SHTN1: variants seen among roughly 807,000 people sequenced by gnomAD.
SHTN1 encodes the protein shootin 1.
In SHTN1, 42 loss-of-function variants were observed where a neutral mutation model predicts 83.1. The observed-to-expected ratio is 0.51, with a 90% CI of 0.39 to 0.65. The LOEUF (loss-of-function observed/expected upper bound fraction) is 0.65, where lower values mean the gene tolerates loss of function less well. SHTN1 is among the 30% of genes least tolerant of loss of function. SHTN1 has a pLI of 0.00. For missense variants in SHTN1, 622 were observed against 737.8 expected (o/e 0.84, Z 1.82); for synonymous variants, 224 against 247.7 (o/e 0.90, Z 0.90).
At position 116,886,191 on chromosome 10, in the gene SHTN1, T is replaced by C. The variant is rs1395210579; in HGVS notation, c.*153A>G. On this transcript the variant is annotated 3_prime_UTR_variant, in exon 17 of 17. Transcript: ENST00000355371. ...TTGCTAAACAGCTTACTTATGTTTA[T>C]AGTTGCTACTTACAAAAGTGACACC... 22 of 1,067,182 alleles carry C rather than the reference T, an allele frequency of 2.1e-5. No individual in the cohort carries two copies. Among genetic ancestry groups the C allele is most frequent in the Non-Finnish European group, 2.8e-5 (21 of 755,368 alleles). 66.1% of individuals were successfully genotyped at this position (1,067,182 alleles called of 1,614,324 possible).
upstream of SHTN1, among the ~76,000 whole-genome samples, chr10:117,008,053 G>T (rs10886021): frequency 1.3e-5 from 2 of 151,692 alleles, no homozygotes; most frequent in Non-Finnish European, 2.9e-5. Context: ...GCATCACGTT[G>T]GAGTTACTAT....
chr10:117,040,329 G>A (rs1437874513), intron 2 of SHTN1, among the ~76,000 whole-genome samples: 2 of 152,100 alleles, frequency 1.3e-5, no homozygotes, highest in Non-Finnish European at 2.9e-5. Flanking sequence ...AGAAAAATAA[G>A]TAAGTGAAAA....
chr10:117,009,721 T>G (rs549069730), upstream of SHTN1, among the ~76,000 whole-genome samples: 12 of 151,656 alleles, frequency 7.9e-5, no homozygotes, highest in Admixed American at 2.6e-4. Context: ...TGGCTAACAC[T>G]GTGAAACCCC....
chr10:117,075,184 T>C (rs779685511), intron 1 of SHTN1, among the ~76,000 whole-genome samples: 1 of 152,214 alleles, frequency 6.6e-6, no homozygotes, highest in African/African-American at 2.4e-5. Flanking sequence ...TTTAGGAATC[T>C]GCTTTGCTTT....
chr10:117,012,873 A>C (rs868767308), intron 2 of SHTN1, among the ~76,000 whole-genome samples: 1 of 152,160 alleles, frequency 6.6e-6, no homozygotes, highest in South Asian at 2.1e-4. Context: ...CACACATTAA[A>C]TAAATCACAT....
intron 1 of SHTN1, among the ~76,000 whole-genome samples, chr10:117,120,112 T>C (rs961951509): frequency 2.0e-5 from 3 of 152,154 alleles, no homozygotes; most frequent in Non-Finnish European, 4.4e-5. Context: ...AGACCTAGTA[T>C]TTGATAGCAC....
chr10:116,981,236 G>A (rs181658999), intron 1 of SHTN1, among the ~76,000 whole-genome samples: 4 of 152,012 alleles, frequency 2.6e-5, no homozygotes, highest in African/African-American at 7.3e-5. Context: ...GGAGAATCGC[G>A]TGAACCCGGG....
chr10:117,020,525 T>C (rs575952336), intron 2 of SHTN1, among the ~76,000 whole-genome samples: 1 of 148,252 alleles, frequency 6.7e-6, no homozygotes, highest in African/African-American at 2.5e-5. Flanking sequence ...CCCACACTTA[T>C]AAAGTCATCT....
At chr10:116,944,452 T>A (rs1849499806) in intron 8 of SHTN1, among the ~76,000 whole-genome samples, 1 of 152,200 alleles carries the variant, frequency 6.6e-6, no homozygotes, top group Non-Finnish European at 1.5e-5. Flanking sequence ...TGGCCAAAAT[T>A]TGAGCCCAGA....
chr10:117,123,722 C>T (rs150346150), intron 1 of SHTN1, among the ~76,000 whole-genome samples: 23 of 149,664 alleles, frequency 1.5e-4, no homozygotes, highest in African/African-American at 5.2e-4. Context: ...TTGGTCAACA[C>T]GGTGAAACCC....
intron 2 of SHTN1, among the ~76,000 whole-genome samples, chr10:116,969,537 A>C (rs1411778345): frequency 6.6e-6 from 1 of 152,234 alleles, no homozygotes; most frequent in Non-Finnish European, 1.5e-5. Flanking sequence ...TTCGGAATAG[A>C]GGAAGGTACC....
intron 8 of SHTN1, among the ~76,000 whole-genome samples, chr10:116,942,394 G>A (rs750836066): frequency 6.6e-6 from 1 of 151,890 alleles, no homozygotes; most frequent in Non-Finnish European, 1.5e-5. Flanking sequence ...TGTATTTTTA[G>A]TAGAGATGGG....
At chr10:116,949,235 G>A (rs1256901952) in intron 6 of SHTN1, among the ~76,000 whole-genome samples, 1 of 152,024 alleles carries the variant, frequency 6.6e-6, no homozygotes, top group African/African-American at 2.4e-5. Flanking sequence ...AGTTGGCACT[G>A]GCACCTAAAC....
rs1045346159 is a variant in SHTN1 at position 116,901,976 on chromosome 10, C to T, written c.1481-19G>A. ...GTTGGACCTTAAAACCAAACACATACCTCAAGTTTAATAATTCTGTATGAT... is the reference window on the plus strand; with the variant it reads ...GTTGGACCTTAAAACCAAACACATATCTCAAGTTTAATAATTCTGTATGAT... On this transcript the variant is annotated intron_variant, in intron 15 of 16. Coordinates refer to ENST00000355371, the MANE Select transcript of SHTN1 (RefSeq NM_001127211.3). 1.9e-6 allele frequency: 3 copies of T among 1,561,876 alleles called. No homozygotes were observed. The African/African-American group carries it at 4.2e-5, about 22-fold the overall frequency.
rs539820924 is a variant in SHTN1, at chr10:117,092,783, G to GA, written c.-189+33523dup. 7.4e-4 allele frequency among the ~76,000 whole-genome samples: 113 copies of GA among 152,268 alleles called. 2 individuals carry two copies. The South Asian group carries it at 0.022, about 30-fold the overall frequency. ...ACTGTCTTTAGAGAACCGAATTTTA[G>GA]AAAAAGTGAGGGGGAGATAAGGGAG... is the stretch of plus-strand genomic sequence containing the variant. On this transcript the variant is annotated intron_variant, in intron 1 of 17. Coordinates refer to the SHTN1 transcript ENST00000392901.
At chr10:117,044,418 GAAAA>G in intron 2 of SHTN1, among the ~76,000 whole-genome samples, 1 of 151,574 alleles carries the variant, frequency 6.6e-6, no homozygotes, top group Middle Eastern at 3.4e-3. Context: ...ATAACTATTG[GAAAA>G]AAAAGGATTT....
chr10:116,921,967 C>T (rs1848584174), intron 11 of SHTN1, among the ~76,000 whole-genome samples: 2 of 152,108 alleles, frequency 1.3e-5, no homozygotes, highest in South Asian at 4.1e-4. Flanking sequence ...AGACTAAATA[C>T]TTATGGATAA....
At chr10:116,921,723 T>C (rs918973783) in intron 11 of SHTN1, among the ~76,000 whole-genome samples, 6 of 152,160 alleles carry the variant, frequency 3.9e-5, no homozygotes, top group Non-Finnish European at 7.4e-5. Context: ...AAACTGATTA[T>C]TGGAGAGAGT....
At chr10:117,120,170 GAA>G (rs980455520) in intron 1 of SHTN1, among the ~76,000 whole-genome samples, 2 of 151,294 alleles carry the variant, frequency 1.3e-5, no homozygotes, top group Non-Finnish European at 2.9e-5. Flanking sequence ...AAAAATAACT[GAA>G]AAGAGTATAA....
Sources: allele counts gnomAD v4.1 joint callset (sites outside exome capture counted in the v4.1 genomes callset), GRCh38; gene constraint gnomAD v4.1.1; transcripts MANE v1.5; gene names NCBI Gene and HGNC (gene_info 2026-07-23, HGNC 2026-07-21).